Variants in PCDHGB2 observed in about 807,000 individuals in gnomAD.
PCDHGB2 encodes the protein protocadherin gamma-B2.
A neutral mutation model predicts 59.3 loss-of-function variants in PCDHGB2; 55 were observed. The ratio of observed to expected loss-of-function variants is 0.93; its 90% CI spans 0.75 to 1.16. PCDHGB2 has a LOEUF of 1.16. PCDHGB2 is among the 50% of genes most tolerant of loss of function. The pLI, the probability that PCDHGB2 is intolerant of heterozygous loss-of-function variation, is 0.00. For missense variants in PCDHGB2, 1,228 were observed against 1,198.5 expected (o/e 1.02, Z -0.36); for synonymous variants, 516 against 512.0 (o/e 1.01, Z -0.11).
chr5:141,429,638 A>G (rs2097231013), intron 1 of PCDHGB2, among the ~76,000 whole-genome samples: 1 of 152,238 alleles, frequency 6.6e-6, no homozygotes, highest in African/African-American at 2.4e-5. Flanking sequence ...ACAGCTACCT[A>G]TATATTTCTT....
rs774487660 is a variant in PCDHGB2, at chr5:141,404,806, G to C, written c.2421+42250G>C. 6 of 1,613,874 alleles carry C rather than the reference G, an allele frequency of 3.7e-6. No individual in the cohort carries two copies. In the South Asian group the frequency reaches 5.5e-5, roughly 15 times the overall value. On this transcript the variant is annotated intron_variant, in intron 1 of 3. Transcript: ENST00000522605. ...AGGCCAGTGAGCCAGGGCTCTTCTCGGTGGGGCTGCACACAGGTGAAGTGC... is the reference window on the plus strand; with the variant it reads ...AGGCCAGTGAGCCAGGGCTCTTCTCCGTGGGGCTGCACACAGGTGAAGTGC...
intron 1 of PCDHGB2, chr5:141,478,531 C>A (rs771145308): frequency 8.1e-6 from 13 of 1,608,072 alleles, no homozygotes; most frequent in Admixed American, 5.1e-5. Context: ...GTGCAGAGAG[C>A]GCCCCTCCCG....
intron 1 of PCDHGB2, chr5:141,409,468 C>T (rs1256188577): frequency 1.9e-6 from 3 of 1,613,948 alleles, no homozygotes; most frequent in Admixed American, 1.7e-5. Flanking sequence ...ATGTCACCAT[C>T]GTAGCCACTG....
intron 1 of PCDHGB2, among the ~76,000 whole-genome samples, chr5:141,462,550 A>G (rs1485478117): frequency 6.6e-6 from 1 of 151,942 alleles, no homozygotes; most frequent in East Asian, 1.9e-4. Flanking sequence ...TTTCTTCTTC[A>G]GTGTTTACTG....
rs777670481 is a variant in PCDHGB2, at chr5:141,385,026, C to T, written c.2421+22470C>T. 2.5e-6 allele frequency: 4 copies of T among 1,614,190 alleles called. No homozygotes were observed. The East Asian group carries it at 6.7e-5, about 27-fold the overall frequency. On this transcript the variant is annotated intron_variant, in intron 1 of 3. Coordinates refer to ENST00000522605, the MANE Select transcript of PCDHGB2 (RefSeq NM_018923.3). Reference sequence around the variant, plus strand: ...CCTGCGTCTTCCTAGCCTTCGTCCTCGTACTGCTGGCGCTCAGGCTGCGGC... The same window carrying T: ...CCTGCGTCTTCCTAGCCTTCGTCCTTGTACTGCTGGCGCTCAGGCTGCGGC...
chr5:141,438,714 G>A (rs1051491309), intron 1 of PCDHGB2, among the ~76,000 whole-genome samples: 1 of 147,786 alleles, frequency 6.8e-6, no homozygotes, highest in South Asian at 2.2e-4. Flanking sequence ...AGGCTGGAGT[G>A]CAAGTGGTGT....
At chr5:141,404,043 C>T (rs781644500) in intron 1 of PCDHGB2, 1 of 1,613,844 alleles carries the variant, frequency 6.2e-7, no homozygotes, top group East Asian at 2.2e-5. Context: ...CCTCAGGGAA[C>T]AGTAATTCTT....
chr5:141,360,097 T>C lies in PCDHGB2; in HGVS notation c.-39T>C. On this transcript the variant is annotated 5_prime_UTR_variant, in exon 1 of 4. Transcript: ENST00000522605. ...CGGATTCTGCCATCCCCGGAAGGCT[T>C]ATTCCTCCTATGGGCAAAGGAGCAA... 6.5e-7 allele frequency: 1 copy of C among 1,527,810 alleles called. No homozygotes were observed. The highest frequency in any genetic ancestry group is 8.8e-7 in the Non-Finnish European group (1 of 1,137,576). The allele number at this position is 1,527,810 out of a possible 1,614,324, so 94.6% of individuals were successfully genotyped here. A position where few individuals can be genotyped will look rare whatever the true frequency, so the allele number is the denominator to read the frequency against.
At chr5:141,375,926 G>T (rs1450226627) in intron 1 of PCDHGB2, 1 of 1,613,758 alleles carries the variant, frequency 6.2e-7, no homozygotes, top group South Asian at 1.1e-5. Flanking sequence ...CAGCGAGCCA[G>T]GACTTTTCTC....
At chr5:141,420,651 T>A (rs1357679146) in intron 1 of PCDHGB2, among the ~76,000 whole-genome samples, 1 of 152,274 alleles carries the variant, frequency 6.6e-6, no homozygotes, top group East Asian at 1.9e-4. Flanking sequence ...GTAAGAATTA[T>A]AGTTAGGCAT....
In PCDHGB2 at chr5:141,476,978, C is replaced by G; in HGVS notation, c.2422-17829C>G. 1.2e-6 allele frequency: 2 copies of G among 1,614,256 alleles called. No individual in the cohort carries two copies. Among genetic ancestry groups the G allele is most frequent in the Non-Finnish European group, 1.7e-6 (2 of 1,180,058 alleles). Reference sequence around the variant, plus strand: ...TATTTACTCCTTCGGCAGCCACAACCGCGCCGGCGTGCGGCAACTATTCGC... The same window carrying G: ...TATTTACTCCTTCGGCAGCCACAACGGCGCCGGCGTGCGGCAACTATTCGC... On this transcript the variant is annotated intron_variant, in intron 1 of 3. Transcript: ENST00000522605. This position sits in a 1 kb window ranked among gnomAD's most constrained non-coding sequence, Gnocchi z 7.6.
At chr5:141,496,637 C>T (rs907246032) in intron 2 of PCDHGB2, among the ~76,000 whole-genome samples, 6 of 152,214 alleles carry the variant, frequency 3.9e-5, no homozygotes, top group Non-Finnish European at 7.3e-5. Context: ...GCTTGGGCTG[C>T]CCTTGCCCTT....
rs767577725 is a variant in PCDHGB2, at chr5:141,485,642, G to C, written c.2422-9165G>C. On this transcript the variant is annotated intron_variant, in intron 1 of 3. Transcript: ENST00000522605. This position sits in a 1 kb window ranked among gnomAD's most constrained non-coding sequence, Gnocchi z 5.7. ...AGGACAGCGTTTCCCGTTGGAAAAGGCTCAGGATGCAGATGTGGGGAGCAA... is the reference window on the plus strand; with the variant it reads ...AGGACAGCGTTTCCCGTTGGAAAAGCCTCAGGATGCAGATGTGGGGAGCAA... 2 of 1,612,044 alleles carry C rather than the reference G, an allele frequency of 1.2e-6. No individual in the cohort carries two copies. The highest frequency in any genetic ancestry group is 8.5e-7 in the Non-Finnish European group (1 of 1,178,592).
At chr5:141,376,649 A>T in intron 1 of PCDHGB2, 1 of 978,990 alleles carries the variant, frequency 1.0e-6, no homozygotes, top group Non-Finnish European at 1.5e-6. Flanking sequence ...GTAAAGTGGA[A>T]GACTCCCTTG....
chr5:141,439,186 C>T (rs2098094521), intron 1 of PCDHGB2, among the ~76,000 whole-genome samples: 1 of 141,808 alleles, frequency 7.1e-6, no homozygotes, highest in Admixed American at 7.0e-5. Flanking sequence ...TAGTGAGACT[C>T]TGACAAAAAA....
At chr5:141,403,208 A>T (rs763459005) in intron 1 of PCDHGB2, 2 of 1,613,962 alleles carry the variant, frequency 1.2e-6, no homozygotes, top group Non-Finnish European at 1.7e-6. Flanking sequence ...CACCTTGGTC[A>T]CCGCGGGTAG....
Position 141,491,415 on chromosome 5 carries a change from G to GGGT in PCDHGB2, c.2422-3389_2422-3387dup. 1 of 1,614,126 alleles carries GGGT rather than the reference G, an allele frequency of 6.2e-7. No individual in the cohort carries two copies. Among genetic ancestry groups the GGGT allele is most frequent in the Non-Finnish European group, 8.5e-7 (1 of 1,180,034 alleles). ...TTCAGGGAAACGCAGACGGGGACGG[G>GGGT]GGTGGAGGGCAGTGCTGCAGGCGCC... On this transcript the variant is annotated intron_variant, in intron 1 of 3. Transcript: ENST00000522605. The surrounding 1 kb of genome is among the most constrained non-coding windows in gnomAD (Gnocchi z 6.9).
chr5:141,389,827 G>A lies in PCDHGB2; in HGVS notation c.2421+27271G>A, dbSNP rs754189855. ...CTTCTGGTCGCCGTGCGTGACGGTG[G>A]ACAGCCACCACTCTCGGCCACTGCC... On this transcript the variant is annotated intron_variant, in intron 1 of 3. Transcript: ENST00000522605. The A allele has an allele frequency of 1.4e-5, 22 of 1,613,838 alleles. No individual in the cohort carries two copies. The African/African-American group carries it at 2.7e-4, about 20-fold the overall frequency.
At chr5:141,422,126 GAGA>G (rs767100115) in intron 1 of PCDHGB2, 2 of 1,601,210 alleles carry the variant, frequency 1.2e-6, no homozygotes, top group South Asian at 2.3e-5. Context: ...TCACAAACTG[GAGA>G]AGTTCAAGTA....
Sources: allele counts gnomAD v4.1 joint callset (sites outside exome capture counted in the v4.1 genomes callset), GRCh38; gene constraint gnomAD v4.1.1; non-coding constraint Gnocchi (gnomAD v3.1); transcripts MANE v1.5; gene names NCBI Gene and HGNC (gene_info 2026-07-23, HGNC 2026-07-21).